The following TEX101 variants were observed in gnomAD, a reference collection of about 807,000 sequenced individuals.
The protein encoded by TEX101 is testis-expressed protein 101.
A neutral mutation model predicts 18.1 loss-of-function variants in TEX101; 10 were observed. The observed-to-expected ratio is 0.55, with a 90% CI of 0.34 to 0.94. The LOEUF is 0.94. Ranked by LOEUF, TEX101 falls within the 40% of genes least tolerant of loss-of-function variation. The probability of loss-of-function intolerance (pLI) is 0.02; values close to 1 mark genes in which losing one functional copy is unlikely to be tolerated. For synonymous variants in TEX101, 94 were observed against 114.8 expected (o/e 0.82, Z 1.16); for missense variants, 259 against 298.9 (o/e 0.87, Z 0.98).
intron 2 of TEX101, among the ~76,000 whole-genome samples, chr19:43,403,276 G>C (rs17352858): frequency 0.32 from 48,834 of 151,982 alleles, 8,438 homozygotes; most frequent in East Asian, 0.72. Flanking sequence ...TCCCACCTGA[G>C]TCATTCAGGC....
upstream of TEX101, among the ~76,000 whole-genome samples, chr19:43,398,974 G>A (rs753322293): frequency 6.6e-6 from 1 of 152,080 alleles, no homozygotes; most frequent in African/African-American, 2.4e-5. Flanking sequence ...ATTGAATGCC[G>A]CCTAGTTCAT....
chr19:43,414,725 C>T (rs563131394), upstream of TEX101: 8 of 628,678 alleles, frequency 1.3e-5, no homozygotes, highest in Admixed American at 6.3e-5. Context: ...CCGCCACTCA[C>T]CTTCCGAGCA....
intron 3 of TEX101, among the ~76,000 whole-genome samples, chr19:43,409,199 A>G (rs1326827812): frequency 6.6e-6 from 1 of 152,210 alleles, no homozygotes; most frequent in Non-Finnish European, 1.5e-5. Flanking sequence ...GTGATGTAGA[A>G]GAAACTAAGG....
chr19:43,398,464 C>T (rs1970292657), upstream of TEX101, among the ~76,000 whole-genome samples: 2 of 151,302 alleles, frequency 1.3e-5, no homozygotes, highest in Admixed American at 6.7e-5. Context: ...TTAGTAGAGA[C>T]AGGGTTTCAC....
Position 43,416,274 on chromosome 19 carries a change from G to T in TEX101, c.208+32G>T, listed in dbSNP as rs369364236. The T allele has an allele frequency of 2.3e-5, 37 of 1,592,664 alleles. No individual in the cohort carries two copies. The African/African-American group carries it at 4.7e-4, about 20-fold the overall frequency. On this transcript the variant is annotated intron_variant, in intron 3 of 5. Transcript: ENST00000598265. ...TGAGATGGGGCATTTGGGCTGGGTA[G>T]GAGGGAGGTTGATTATCTCCATGCC...
At chr19:43,408,626 T>G (rs1970392130) in intron 3 of TEX101, among the ~76,000 whole-genome samples, 1 of 151,098 alleles carries the variant, frequency 6.6e-6, no homozygotes, top group Non-Finnish European at 1.5e-5. Context: ...CCGTGAGAAG[T>G]GCCCTCTCCC....
chr19:43,415,904 C>T lies in TEX101; in HGVS notation c.-16C>T. The T allele has an allele frequency of 1.9e-6, 3 of 1,614,156 alleles. No homozygotes were observed. Among genetic ancestry groups the T allele is most frequent in the Non-Finnish European group, 1.7e-6 (2 of 1,180,038 alleles). On this transcript the variant is annotated 5_prime_UTR_variant, in exon 2 of 6. Coordinates refer to ENST00000598265, the MANE Select transcript of TEX101 (RefSeq NM_001130011.3). ...AGATCCAGACCAGCTCCTCCCAGAC[C>T]TCTCCAGAAGAAGCCATGGGAACCC... is the stretch of plus-strand genomic sequence containing the variant.
the TEX101 span, among the ~76,000 whole-genome samples, chr19:43,390,113 A>G: frequency 2.0e-5 from 3 of 152,010 alleles, no homozygotes; most frequent in East Asian, 1.9e-4. Flanking sequence ...CTCCTGAGCA[A>G]CCACCCCACC....
intron 1 of TEX101, among the ~76,000 whole-genome samples, chr19:43,402,227 G>A (rs1037094987): frequency 2.0e-5 from 3 of 152,212 alleles, no homozygotes; most frequent in African/African-American, 4.8e-5. Context: ...TACAAAACAT[G>A]TTCATTTGAA....
intron 2 of TEX101, among the ~76,000 whole-genome samples, chr19:43,403,717 G>C (rs1376432884): frequency 1.3e-5 from 2 of 151,196 alleles, no homozygotes; most frequent in Non-Finnish European, 2.9e-5. Context: ...GTCAATGTCA[G>C]TATTAAGCTA....
chr19:43,409,481 TA>T (rs987258330), intron 3 of TEX101, among the ~76,000 whole-genome samples: 1 of 151,912 alleles, frequency 6.6e-6, no homozygotes, highest in Non-Finnish European at 1.5e-5. Context: ...TCAAATTGCA[TA>T]AAAAAGCAAT....
the TEX101 span, among the ~76,000 whole-genome samples, chr19:43,393,411 C>T: frequency 6.6e-6 from 1 of 152,194 alleles, no homozygotes; most frequent in African/African-American, 2.4e-5. Flanking sequence ...CAATCCAGTC[C>T]CTGTCTCTGA....
chr19:43,415,483 C>T (rs911626715), intron 1 of TEX101, among the ~76,000 whole-genome samples: 1 of 152,070 alleles, frequency 6.6e-6, no homozygotes, highest in African/African-American at 2.4e-5. Flanking sequence ...ACTGTGAGGC[C>T]GGGCATCAGG....
chr19:43,414,528 T>C (rs374069624), upstream of TEX101, among the ~76,000 whole-genome samples: 47 of 152,138 alleles, frequency 3.1e-4, no homozygotes, highest in African/African-American at 1.1e-3. Flanking sequence ...TGAGAGGCCA[T>C]TTGGGTAGGG....
At chr19:43,415,807 C>T in intron 1 of TEX101, 74 bp from the exon 2 acceptor site, 1 of 1,337,372 alleles carries the variant, frequency 7.5e-7, no homozygotes, top group Non-Finnish European at 1.1e-6. Context: ...GAAGTCAGTA[C>T]TTGCCAGGAC....
At chr19:43,406,626 C>A (rs1020799574) in intron 3 of TEX101, 3 of 588,666 alleles carry the variant, frequency 5.1e-6, no homozygotes, top group Admixed American at 3.2e-5. Flanking sequence ...TGGCTTCTGG[C>A]GCCAAGCCTT....
chr19:43,408,291 G>C (rs557379656), intron 3 of TEX101, among the ~76,000 whole-genome samples: 2 of 150,728 alleles, frequency 1.3e-5, no homozygotes, highest in Non-Finnish European at 3.0e-5. Flanking sequence ...CGTTCTGCCC[G>C]GGCTCGACCA....
At chr19:43,406,484 G>A (rs908676972) in exon 3 of TEX101, 3 of 766,644 alleles carry the variant, frequency 3.9e-6, no homozygotes, top group Non-Finnish European at 7.3e-6. Flanking sequence ...GGGCGGTCCC[G>A]CCTCCATCTT....
At chr19:43,409,337 G>GTT (rs892613464) in intron 3 of TEX101, among the ~76,000 whole-genome samples, 4 of 152,280 alleles carry the variant, frequency 2.6e-5, no homozygotes, top group African/African-American at 9.6e-5. Flanking sequence ...GTTACAGACT[G>GTT]TTTACACATC....
Sources: allele counts gnomAD v4.1 joint callset (sites outside exome capture counted in the v4.1 genomes callset), GRCh38; gene constraint gnomAD v4.1.1; transcripts MANE v1.5; gene names NCBI Gene and HGNC (gene_info 2026-07-23, HGNC 2026-07-21).